LMBR1: variants seen among roughly 807,000 people sequenced by gnomAD.
LMBR1 encodes limb region 1 protein homolog.
A neutral mutation model predicts 73.9 loss-of-function variants in LMBR1; 52 were observed. The observed-to-expected ratio is 0.70, with a 90% CI of 0.56 to 0.89. The LOEUF (loss-of-function observed/expected upper bound fraction) is 0.89, where lower values mean the gene tolerates loss of function less well. LMBR1 is among the 40% of genes least tolerant of loss of function. The probability of loss-of-function intolerance (pLI) is 0.00; values close to 1 mark genes in which losing one functional copy is unlikely to be tolerated. For synonymous variants in LMBR1, 215 were observed against 209.4 expected, an observed-to-expected ratio of 1.03 and a Z score of -0.23; for missense variants, 539 against 579.8, an observed-to-expected ratio of 0.93 and a Z score of 0.72.
At chr7:156,783,698 G>C (rs1384579244) in intron 5 of LMBR1, among the ~76,000 whole-genome samples, 1 of 151,986 alleles carries the variant, frequency 6.6e-6, no homozygotes, top group South Asian at 2.1e-4. Context: ...AAATTCAGCT[G>C]AGCTTGACTT....
chr7:156,725,594 A>G (rs1179509245), intron 13 of LMBR1, 69 bp from the exon 14 acceptor site: 1 of 1,301,154 alleles, frequency 7.7e-7, no homozygotes, highest in African/African-American at 1.5e-5. Flanking sequence ...AGTCTCCAAA[A>G]AGTCTTAAGG....
At chr7:156,721,293 G>A (rs1181222205) in intron 15 of LMBR1, among the ~76,000 whole-genome samples, 1 of 151,962 alleles carries the variant, frequency 6.6e-6, no homozygotes, top group Non-Finnish European at 1.5e-5. Flanking sequence ...CCTCTTTAAA[G>A]GAGAATTCAA....
chr7:156,754,113 T>G (rs1821415860), intron 9 of LMBR1, among the ~76,000 whole-genome samples: 1 of 152,200 alleles, frequency 6.6e-6, no homozygotes, highest in Non-Finnish European at 1.5e-5. Context: ...CAAGATGGCT[T>G]ATTCAGGATA....
At chr7:156,734,883 T>G (rs1563240109) in intron 9 of LMBR1, among the ~76,000 whole-genome samples, 1 of 152,204 alleles carries the variant, frequency 6.6e-6, no homozygotes. Flanking sequence ...CACATACATA[T>G]GTATCATATG....
intron 4 of LMBR1, among the ~76,000 whole-genome samples, chr7:156,805,685 C>T (rs972918601): frequency 6.6e-6 from 1 of 152,322 alleles, no homozygotes; most frequent in Admixed American, 6.5e-5. Context: ...GGAATCTTGA[C>T]AGGCATGGTG....
At chr7:156,886,918 C>T (rs951816939) in intron 1 of LMBR1, among the ~76,000 whole-genome samples, 1 of 152,058 alleles carries the variant, frequency 6.6e-6, no homozygotes, top group Admixed American at 6.6e-5. Flanking sequence ...TATACTGAGG[C>T]GTGTCAGATG....
At chr7:156,725,684 T>C (rs1435994452) in intron 13 of LMBR1, 80 bp downstream of exon 13, 1 of 1,352,242 alleles carries the variant, frequency 7.4e-7, no homozygotes, top group Non-Finnish European at 1.0e-6. Context: ...TAGACAAGTG[T>C]CTTAGTAAAT....
chr7:156,725,015 A>C (rs1296891151), intron 14 of LMBR1, among the ~76,000 whole-genome samples: 4 of 152,202 alleles, frequency 2.6e-5, no homozygotes, highest in African/African-American at 7.2e-5. Context: ...AATGTTTCTG[A>C]ATAGAACTCT....
At chr7:156,885,308 G>A (rs1389018831) in intron 1 of LMBR1, among the ~76,000 whole-genome samples, 1 of 151,288 alleles carries the variant, frequency 6.6e-6, no homozygotes, top group African/African-American at 2.4e-5. Context: ...AGCCAGGATC[G>A]CTCCACTGCA....
intron 9 of LMBR1, among the ~76,000 whole-genome samples, chr7:156,737,249 C>G (rs1182105463): frequency 1.3e-5 from 2 of 152,206 alleles, no homozygotes; most frequent in Non-Finnish European, 1.5e-5. Context: ...ACTAATTCTC[C>G]TTCAGAATTC....
At chr7:156,846,213 G>A (rs1795458410) in intron 1 of LMBR1, among the ~76,000 whole-genome samples, 1 of 152,080 alleles carries the variant, frequency 6.6e-6, no homozygotes, top group Non-Finnish European at 1.5e-5. Context: ...GTTCAAGGCT[G>A]CAGTGCACAG....
chr7:156,755,957 G>C (rs1438683642), intron 9 of LMBR1, among the ~76,000 whole-genome samples: 1 of 152,136 alleles, frequency 6.6e-6, no homozygotes, highest in Admixed American at 6.5e-5. Flanking sequence ...TTAATTATCT[G>C]ATCTTGTTGG....
intron 15 of LMBR1, among the ~76,000 whole-genome samples, chr7:156,690,551 C>G (rs1163772426): frequency 1.3e-5 from 2 of 152,168 alleles, no homozygotes; most frequent in Non-Finnish European, 2.9e-5. Flanking sequence ...ACTAGAACTT[C>G]TTAGTGGACT....
chr7:156,837,509 G>A (rs1044581240), intron 1 of LMBR1, among the ~76,000 whole-genome samples: 13 of 150,308 alleles, frequency 8.6e-5, no homozygotes, highest in African/African-American at 3.2e-4. Context: ...CATCACCACT[G>A]ACAACTCTGA....
chr7:156,841,198 T>C (rs1398396362), intron 1 of LMBR1, among the ~76,000 whole-genome samples: 1 of 151,994 alleles, frequency 6.6e-6, no homozygotes, highest in Non-Finnish European at 1.5e-5. Flanking sequence ...AGAGTTGCCA[T>C]TTCAGGACTC....
chr7:156,840,162 T>C (rs1411521425), intron 1 of LMBR1, among the ~76,000 whole-genome samples: 1 of 152,210 alleles, frequency 6.6e-6, no homozygotes, highest in Non-Finnish European at 1.5e-5. Flanking sequence ...GGGCTTGCTA[T>C]ATACCAGGCA....
At chr7:156,706,456 T>C (rs144712663) in intron 15 of LMBR1, among the ~76,000 whole-genome samples, 47 of 152,282 alleles carry the variant, frequency 3.1e-4, no homozygotes, top group African/African-American at 1.0e-3. Context: ...GTTCTACTCA[T>C]CAGCACATAA....
At chr7:156,674,531 G>A (rs76836699), downstream of LMBR1, among the ~76,000 whole-genome samples, 4,355 of 152,192 alleles carry the variant, frequency 0.029, 257 homozygotes, top group East Asian at 0.22. Flanking sequence ...CCACCTACCC[G>A]TGCCTCAGAT....
At chr7:156,748,248 T>C (rs182650259) in intron 9 of LMBR1, among the ~76,000 whole-genome samples, 27 of 152,318 alleles carry the variant, frequency 1.8e-4, no homozygotes, top group East Asian at 1.4e-3. Context: ...GACTGCAAGA[T>C]AGAAATTGTT....
Sources: gnomAD v4.1 joint callset for allele counts (sites outside exome capture counted in the v4.1 genomes callset) on GRCh38, gnomAD v4.1.1 for gene constraint, MANE v1.5 for transcripts, NCBI Gene and HGNC (gene_info 2026-07-23, HGNC 2026-07-21) for gene names.